SEL1L2: variants seen among roughly 807,000 people sequenced by gnomAD.
SEL1L2 encodes SEL1L2 adaptor subunit of SYVN1 ubiquitin ligase, also known as protein sel-1 homolog 2.
Under a neutral mutation model 98.8 loss-of-function variants are expected in SEL1L2, and 89 were observed. That is an observed-to-expected ratio of 0.90 (90% CI 0.76 to 1.07). SEL1L2 has a LOEUF of 1.07. SEL1L2 is among the 50% of genes least tolerant of loss of function. The probability of loss-of-function intolerance (pLI) is 0.00; values close to 1 mark genes in which losing one functional copy is unlikely to be tolerated. For synonymous variants in SEL1L2, 262 were observed against 278.5 expected, an observed-to-expected ratio of 0.94 and a Z score of 0.59; for missense variants, 788 against 812.0, an observed-to-expected ratio of 0.97 and a Z score of 0.36.
chr20:13,987,743 T>C (rs1392049268), intron 1 of SEL1L2, among the ~76,000 whole-genome samples: 2 of 152,244 alleles, frequency 1.3e-5, no homozygotes, highest in African/African-American at 4.8e-5. Flanking sequence ...ACCAATGATG[T>C]TGAATATCTT....
At chr20:13,980,350 G>A (rs1219094691) in intron 1 of SEL1L2, among the ~76,000 whole-genome samples, 1 of 152,184 alleles carries the variant, frequency 6.6e-6, no homozygotes, top group Non-Finnish European at 1.5e-5. Context: ...CAAGTAGCTG[G>A]GATTACAGGC....
At chr20:13,916,797 C>T (rs6042427) in intron 4 of SEL1L2, among the ~76,000 whole-genome samples, 14,985 of 151,918 alleles carry the variant, frequency 0.099, 1,218 homozygotes, top group African/African-American at 0.23. Flanking sequence ...CAGAGTGAGA[C>T]TCTGTCTCAA....
chr20:13,895,520 T>C (rs1274254498), intron 5 of SEL1L2, among the ~76,000 whole-genome samples: 1 of 148,494 alleles, frequency 6.7e-6, no homozygotes, highest in Non-Finnish European at 1.5e-5. Context: ...AAGCCATTGA[T>C]GGATAAAAAA....
Position 13,866,853 on chromosome 20 carries a change from GA to G in SEL1L2, c.1256-4del. On this transcript the variant is annotated splice_polypyrimidine_tract_variant and splice_region_variant and intron_variant, in intron 14 of 19. Transcript: ENST00000284951. ...ATCCTTCCATATTCCAGAGCCAGCT[GA>G]AAATTAAAATTGTTTTGAGCCACCC... The G allele has an allele frequency of 6.3e-7, 1 of 1,599,204 alleles. No homozygotes were observed. Among genetic ancestry groups the G allele is most frequent in the East Asian group, 2.3e-5 (1 of 44,366 alleles).
chr20:13,960,764 C>T (rs1292650368), intron 1 of SEL1L2, among the ~76,000 whole-genome samples: 1 of 152,150 alleles, frequency 6.6e-6, no homozygotes, highest in Non-Finnish European at 1.5e-5. Flanking sequence ...TTCAAGCACT[C>T]CCTGTAAAAA....
intron 1 of SEL1L2, among the ~76,000 whole-genome samples, chr20:13,971,667 G>T (rs549762915): frequency 6.6e-6 from 1 of 151,432 alleles, no homozygotes; most frequent in Non-Finnish European, 1.5e-5. Flanking sequence ...ACTCCTGAGC[G>T]CAGGTGATCC....
intron 3 of SEL1L2, among the ~76,000 whole-genome samples, chr20:13,929,334 G>A (rs1432449903): frequency 2.0e-5 from 3 of 151,566 alleles, no homozygotes; most frequent in Admixed American, 6.6e-5. Context: ...GACCTCTAAC[G>A]TTCCTTTTTA....
intron 1 of SEL1L2, among the ~76,000 whole-genome samples, chr20:13,971,950 C>T (rs2051303318): frequency 6.6e-6 from 1 of 152,116 alleles, no homozygotes; most frequent in Admixed American, 6.5e-5. Context: ...ATCTACTCCT[C>T]TATTCTTCTG....
At chr20:13,992,998 T>A (rs1274687493), upstream of SEL1L2, among the ~76,000 whole-genome samples, 1 of 152,118 alleles carries the variant, frequency 6.6e-6, no homozygotes, top group African/African-American at 2.4e-5. Context: ...CATATGAATT[T>A]TGGGTGCACG....
At chr20:13,885,142 T>A (rs2046891006) in intron 10 of SEL1L2, among the ~76,000 whole-genome samples, 1 of 152,184 alleles carries the variant, frequency 6.6e-6, no homozygotes, top group Admixed American at 6.5e-5. Flanking sequence ...CCTTCCCCTT[T>A]GTTCTTGAAG....
chr20:13,878,662 A>G (rs985982463), intron 10 of SEL1L2, among the ~76,000 whole-genome samples: 3 of 152,194 alleles, frequency 2.0e-5, no homozygotes, highest in Admixed American at 6.5e-5. Flanking sequence ...CATAAGTACA[A>G]ATGCTGCCAC....
chr20:13,870,922 C>CAAA (rs534578783), intron 12 of SEL1L2, among the ~76,000 whole-genome samples: 41 of 52,958 alleles, frequency 7.7e-4, no homozygotes, highest in East Asian at 1.1e-3. Context: ...AACTCCATCT[C>CAAA]AAAAAAAAAA....
intron 1 of SEL1L2, among the ~76,000 whole-genome samples, chr20:13,978,784 C>T (rs189473545): frequency 7.9e-5 from 12 of 152,202 alleles, no homozygotes; most frequent in East Asian, 1.9e-4. Context: ...TCACCAGGTG[C>T]GGTGGCTCAC....
chr20:13,859,474 T>C, intron 17 of SEL1L2, 40 bp from the exon 18 acceptor site: 2 of 1,544,770 alleles, frequency 1.3e-6, no homozygotes, highest in African/African-American at 2.7e-5. Context: ...ATAACTCAAA[T>C]GATTCATGTA....
intron 18 of SEL1L2, among the ~76,000 whole-genome samples, chr20:13,850,947 G>GA (rs1988142285): frequency 6.6e-6 from 1 of 152,088 alleles, no homozygotes; most frequent in South Asian, 2.1e-4. Flanking sequence ...ATAGGGTGGA[G>GA]AATAGGGCCA....
At chr20:13,919,878 T>C (rs2048574032) in intron 3 of SEL1L2, among the ~76,000 whole-genome samples, 1 of 149,356 alleles carries the variant, frequency 6.7e-6, no homozygotes, top group African/African-American at 2.5e-5. Flanking sequence ...TGAGCTGAGG[T>C]TGCACCACTG....
chr20:13,893,645 T>C lies in SEL1L2; in HGVS notation c.550-5133A>G, dbSNP rs999881454. Among the ~76,000 whole-genome samples the C allele has an allele frequency of 2.6e-5, 4 of 152,128 alleles. No homozygotes were observed. In the East Asian group the frequency reaches 5.8e-4, roughly 22 times the overall value. ...TCAATAACAAAAGACCTTATTGTAT[T>C]TACACAATAAGATCCATTACAGACC... On this transcript the variant is annotated intron_variant, in intron 5 of 19. Transcript: ENST00000284951.
chr20:13,921,540 A>C (rs939911185), intron 3 of SEL1L2, among the ~76,000 whole-genome samples: 18 of 152,154 alleles, frequency 1.2e-4, no homozygotes, highest in African/African-American at 4.3e-4. Flanking sequence ...AAGAGGGTCC[A>C]GGGCCGGGCG....
chr20:13,945,954 G>A (rs2049987120), intron 2 of SEL1L2, among the ~76,000 whole-genome samples: 1 of 152,016 alleles, frequency 6.6e-6, no homozygotes, highest in Non-Finnish European at 1.5e-5. Context: ...AATAAATAAA[G>A]ACCATATATG....
Sources: gnomAD v4.1 joint callset for allele counts (sites outside exome capture counted in the v4.1 genomes callset) on GRCh38, gnomAD v4.1.1 for gene constraint, MANE v1.5 for transcripts, NCBI Gene and HGNC (gene_info 2026-07-23, HGNC 2026-07-21) for gene names.